SLCO2B1: variants seen among roughly 807,000 people sequenced by gnomAD.
SLCO2B1 encodes OATP-RP2.
SLCO2B1 carries 41 observed loss-of-function variants against 67.3 expected under a neutral mutation model. The observed-to-expected ratio is 0.61, with a 90% CI of 0.47 to 0.79. The LOEUF is 0.79. SLCO2B1 is among the 30% of genes least tolerant of loss of function. The probability of loss-of-function intolerance (pLI) is 0.00; values close to 1 mark genes in which losing one functional copy is unlikely to be tolerated. For missense variants in SLCO2B1, 837 were observed against 920.1 expected (o/e 0.91, Z 1.17); for synonymous variants, 379 against 381.4 (o/e 0.99, Z 0.07).
intron 11 of SLCO2B1, 63 bp from the exon 12 acceptor site, chr11:75,202,838 A>G: frequency 7.1e-7 from 1 of 1,408,820 alleles, no homozygotes; most frequent in Non-Finnish European, 1.0e-6. Flanking sequence ...TTCAACGTTG[A>G]TGCATGGCCC....
chr11:75,163,723 C>G (rs1020655495), intron 2 of SLCO2B1, among the ~76,000 whole-genome samples: 2 of 152,026 alleles, frequency 1.3e-5, no homozygotes, highest in Non-Finnish European at 2.9e-5. Context: ...AACCATCTCT[C>G]TCTGCCCCCT....
intron 7 of SLCO2B1, among the ~76,000 whole-genome samples, chr11:75,182,739 T>TA (rs34005082): frequency 0.04 from 5,712 of 144,472 alleles, 130 homozygotes; most frequent in Admixed American, 0.082. Context: ...AAGGCTCTGT[T>TA]AAAAAAAAAA....
intron 4 of SLCO2B1, 65 bp downstream of exon 4, chr11:75,166,014 C>G (rs537341135): frequency 1.3e-6 from 2 of 1,529,446 alleles, no homozygotes; most frequent in Non-Finnish European, 8.9e-7. Context: ...CGCTGGGGCC[C>G]ACCCCACAGG....
intron 13 of SLCO2B1, chr11:75,203,803 C>G (rs1297824067): frequency 4.9e-6 from 1 of 203,946 alleles, no homozygotes; most frequent in East Asian, 1.4e-4. Flanking sequence ...GTTTCAGGCC[C>G]AGCTCTGTCT....
At chr11:75,167,101 C>T (rs1016385186) in intron 4 of SLCO2B1, among the ~76,000 whole-genome samples, 2 of 152,084 alleles carry the variant, frequency 1.3e-5, no homozygotes, top group East Asian at 3.9e-4. Flanking sequence ...AGGGGAAGGA[C>T]CTTGGCAGCT....
At chr11:75,199,141 G>A (rs1371450477) in intron 10 of SLCO2B1, among the ~76,000 whole-genome samples, 1 of 152,116 alleles carries the variant, frequency 6.6e-6, no homozygotes, top group Non-Finnish European at 1.5e-5. Context: ...TGGAGGTTCA[G>A]GGGCCGCTTT....
Position 75,151,163 on chromosome 11 carries a change from G to T in SLCO2B1, c.-219G>T. 1 of 550,630 alleles carries T rather than the reference G, an allele frequency of 1.8e-6. No individual in the cohort carries two copies. Among genetic ancestry groups the T allele is most frequent in the Non-Finnish European group, 3.2e-6 (1 of 310,654 alleles). The allele number at this position is 550,630 out of a possible 1,614,324, so 34.1% of individuals were successfully genotyped here. ...CTTGGAGATACTTGGGGCTGAGTTTGAGCAAGACTCCCTAACCTGTGTCTG... is the reference window on the plus strand; with the variant it reads ...CTTGGAGATACTTGGGGCTGAGTTTTAGCAAGACTCCCTAACCTGTGTCTG... On this transcript the variant is annotated 5_prime_UTR_variant, in exon 1 of 14. Coordinates refer to ENST00000289575, the MANE Select transcript of SLCO2B1 (RefSeq NM_007256.5).
rs772856687 is a variant in SLCO2B1 at position 75,165,842 on chromosome 11, G to A, written c.341G>A (p.Arg114Gln). Residue 114 changes from arginine to glutamine, a missense_variant, in exon 4 of 14, where the codon CGA (arginine) becomes CAA (glutamine). Physicochemically the swap from Arg to Gln is conservative, Grantham distance 43. Coordinates refer to ENST00000289575, the MANE Select transcript of SLCO2B1 (RefSeq NM_007256.5). ...FVSYFGSRVH[R>Q]PRMIGYGAIL... is the part of the protein sequence containing the mutation. ...AGCTATTTTGGCAGCCGGGTGCACCGACCCCGAATGATTGGCTATGGGGCT... is the reference window on the plus strand; with the variant it reads ...AGCTATTTTGGCAGCCGGGTGCACCAACCCCGAATGATTGGCTATGGGGCT... The A allele has an allele frequency of 8.1e-6, 13 of 1,614,160 alleles. No homozygotes were observed. Among genetic ancestry groups the A allele is most frequent in the African/African-American group, 4.0e-5 (3 of 75,050 alleles).
intron 7 of SLCO2B1, among the ~76,000 whole-genome samples, chr11:75,183,923 ATGTGTGAAGGAG>A (rs1950117440): frequency 6.6e-6 from 1 of 152,158 alleles, no homozygotes; most frequent in South Asian, 2.1e-4. Context: ...TTGTTTGCTC[ATGTGTGAAGGAG>A]TGTAGGACTT....
At chr11:75,176,103 AGGTCCTGCTAGGCCCATG>A (rs1950019719) in intron 7 of SLCO2B1, among the ~76,000 whole-genome samples, 1 of 152,182 alleles carries the variant, frequency 6.6e-6, no homozygotes. Flanking sequence ...CCAGTCCCCA[AGGTCCTGCTAGGCCCATG>A]GACTCCTGGC....
chr11:75,153,406 T>C (rs1299572764), intron 1 of SLCO2B1, among the ~76,000 whole-genome samples: 1 of 152,186 alleles, frequency 6.6e-6, no homozygotes, highest in African/African-American at 2.4e-5. Flanking sequence ...CATCACTGGC[T>C]TTAAGAGAAC....
intron 9 of SLCO2B1, among the ~76,000 whole-genome samples, chr11:75,195,201 G>T (rs1945082124): frequency 6.6e-6 from 1 of 152,198 alleles, no homozygotes; most frequent in African/African-American, 2.4e-5. Context: ...AGCTCCAGGT[G>T]GTCAATGACA....
intron 9 of SLCO2B1, among the ~76,000 whole-genome samples, chr11:75,195,481 G>T (rs1945085554): frequency 6.6e-6 from 1 of 152,024 alleles, no homozygotes; most frequent in South Asian, 2.1e-4. Context: ...CTCTGATAGA[G>T]TGCCCCCTCA....
Position 75,204,821 on chromosome 11 carries a change from T to G in SLCO2B1, c.*241T>G. ...TGGAGCAAGAGGGTCTTCTTCCTCC[T>G]TCCCCCAGCCAGCCAGCTGTCCTGG... On this transcript the variant is annotated 3_prime_UTR_variant, in exon 14 of 14. Transcript: ENST00000289575. 9.2e-6 allele frequency: 3 copies of G among 325,364 alleles called. No individual in the cohort carries two copies. The highest frequency in any genetic ancestry group is 1.1e-5 in the Non-Finnish European group (2 of 178,814). The allele number at this position is 325,364 out of a possible 1,614,324, so 20.2% of individuals were successfully genotyped here.
intron 7 of SLCO2B1, among the ~76,000 whole-genome samples, chr11:75,182,325 C>T (rs922566238): frequency 6.6e-6 from 1 of 152,188 alleles, no homozygotes; most frequent in African/African-American, 2.4e-5. Flanking sequence ...GCCTGCTCTG[C>T]CAATAACTGT....
In SLCO2B1 at chr11:75,196,496, G is replaced by A. The variant is rs774350074; in HGVS notation, c.1434-18G>A. 1 of 1,610,580 alleles carries A rather than the reference G, an allele frequency of 6.2e-7. No individual in the cohort carries two copies. The highest frequency in any genetic ancestry group is 8.5e-7 in the Non-Finnish European group (1 of 1,178,164). On this transcript the variant is annotated intron_variant, in intron 9 of 13. Coordinates refer to ENST00000289575, the MANE Select transcript of SLCO2B1 (RefSeq NM_007256.5). ...GGAGGGAAGCCAGGCCAACCCTACT[G>A]GTCTTCTCTCCCACCAGTGCCCACC...
At chr11:75,165,023 A>T (rs1019749224) in intron 3 of SLCO2B1, among the ~76,000 whole-genome samples, 4 of 152,120 alleles carry the variant, frequency 2.6e-5, no homozygotes, top group Admixed American at 1.3e-4. Context: ...ACCAATCAAT[A>T]AGCAGCAGAG....
intron 1 of SLCO2B1, among the ~76,000 whole-genome samples, chr11:75,154,902 C>G (rs1402333361): frequency 6.6e-6 from 1 of 152,214 alleles, no homozygotes; most frequent in African/African-American, 2.4e-5. Context: ...GCTGGGACCA[C>G]ATGGAGGGAA....
chr11:75,203,225 C>A, intron 12 of SLCO2B1, 82 bp from the exon 13 acceptor site: 2 of 1,549,252 alleles, frequency 1.3e-6, no homozygotes, highest in Non-Finnish European at 1.7e-6. Context: ...TAACCCAGAG[C>A]CCCTGAGGGG....
Sources: allele counts gnomAD v4.1 joint callset (sites outside exome capture counted in the v4.1 genomes callset), GRCh38; gene constraint gnomAD v4.1.1; transcripts MANE v1.5; gene names NCBI Gene and HGNC (gene_info 2026-07-23, HGNC 2026-07-21).